The following MBD5 variants were observed in gnomAD, a reference collection of about 807,000 sequenced individuals.
MBD5 encodes the protein methyl-CpG-binding domain protein 5.
A neutral mutation model predicts 117.3 loss-of-function variants in MBD5; 13 were observed. The observed-to-expected ratio is 0.11, with a 90% confidence interval of 0.07 to 0.18. The LOEUF (loss-of-function observed/expected upper bound fraction) is 0.18, where lower values mean the gene tolerates loss of function less well. MBD5 is among the 10% of genes least tolerant of loss of function. The probability of loss-of-function intolerance (pLI) is 1.00; values close to 1 mark genes in which losing one functional copy is unlikely to be tolerated. For synonymous variants in MBD5, 727 were observed against 766.4 expected, an observed-to-expected ratio of 0.95 and a Z score of 0.85; for missense variants, 1,879 against 2,093.8, an observed-to-expected ratio of 0.90 and a Z score of 2.00.
chr2:148,343,305 G>C (rs929708226), intron 4 of MBD5, among the ~76,000 whole-genome samples: 1 of 152,056 alleles, frequency 6.6e-6, no homozygotes, highest in African/African-American at 2.4e-5. Flanking sequence ...TGTGATTACT[G>C]GGTTGAATGG....
At chr2:148,074,376 A>G (rs1177902617) in intron 1 of MBD5, among the ~76,000 whole-genome samples, 4 of 152,186 alleles carry the variant, frequency 2.6e-5, no homozygotes, top group African/African-American at 9.7e-5. Context: ...AGGTAAAAAC[A>G]AAGTCTAATG....
chr2:148,089,389 T>C (rs1364673086), intron 1 of MBD5, among the ~76,000 whole-genome samples: 6 of 152,062 alleles, frequency 3.9e-5, no homozygotes, highest in African/African-American at 1.2e-4. Context: ...AACTGCAAAA[T>C]AGACATTCTT....
At chr2:148,211,930 G>A (rs1428971068) in intron 2 of MBD5, among the ~76,000 whole-genome samples, 2 of 151,874 alleles carry the variant, frequency 1.3e-5, no homozygotes, top group Admixed American at 6.6e-5. Flanking sequence ...TGTATTTTTT[G>A]TAGAGACAGG....
chr2:148,095,723 GAGTT>G (rs1696052254), intron 1 of MBD5, among the ~76,000 whole-genome samples: 1 of 150,854 alleles, frequency 6.6e-6, no homozygotes, highest in African/African-American at 2.4e-5. Flanking sequence ...AAGTTATTCT[GAGTT>G]AGTTTTTTTT....
intron 2 of MBD5, among the ~76,000 whole-genome samples, chr2:148,229,752 A>T (rs145998206): frequency 1.2e-3 from 187 of 152,242 alleles, no homozygotes; most frequent in African/African-American, 4.2e-3. Flanking sequence ...GTTCTTACAG[A>T]CTCATAAAGG....
intron 3 of MBD5, among the ~76,000 whole-genome samples, chr2:148,259,325 A>G (rs1700676152): frequency 6.6e-6 from 1 of 152,096 alleles, no homozygotes; most frequent in Admixed American, 6.5e-5. Flanking sequence ...CTGCAAGCAA[A>G]GACTCGTTCA....
chr2:148,128,140 G>A (rs1696947159), intron 1 of MBD5, among the ~76,000 whole-genome samples: 1 of 152,090 alleles, frequency 6.6e-6, no homozygotes, highest in Non-Finnish European at 1.5e-5. Context: ...AACCTTGTCA[G>A]ATGGATAGAT....
At position 148,469,305 on chromosome 2, in the gene MBD5, G is replaced by A; in HGVS notation, c.1362G>A (p.Glu454=). The A allele has an allele frequency of 6.2e-7, 1 of 1,613,892 alleles. No homozygotes were observed. The highest frequency in any genetic ancestry group is 8.5e-7 in the Non-Finnish European group (1 of 1,179,968). ...HMMGTGIGRI[E]ASPQRSRSSS... is the part of the protein sequence containing the mutation. ...TGGGGACTGGAATTGGAAGGATTGA[G>A]GCATCGCCCCAAAGATCACGCTCAT... The change falls in exon 8 of 14, where the codon GAG becomes GAA. Residue 454 remains glutamate (E), a synonymous_variant. Transcript: ENST00000642680.
chr2:148,102,849 T>C (rs1349606689), intron 1 of MBD5, among the ~76,000 whole-genome samples: 1 of 151,740 alleles, frequency 6.6e-6, no homozygotes, highest in East Asian at 1.9e-4. Context: ...ACATTGGCAC[T>C]ACCAGGAGCT....
chr2:148,146,464 T>G (rs1449140524), intron 1 of MBD5, among the ~76,000 whole-genome samples: 1 of 152,114 alleles, frequency 6.6e-6, no homozygotes, highest in Non-Finnish European at 1.5e-5. Flanking sequence ...CTCTAACTCC[T>G]GGGCTCAAGT....
At chr2:148,052,309 C>T (rs1388601685) in intron 1 of MBD5, among the ~76,000 whole-genome samples, 2 of 146,084 alleles carry the variant, frequency 1.4e-5, no homozygotes, top group South Asian at 4.5e-4. Flanking sequence ...CTCCCAGGTT[C>T]AAGCAATTCC....
chr2:148,208,305 G>A (rs1699334581), intron 2 of MBD5, among the ~76,000 whole-genome samples: 1 of 152,094 alleles, frequency 6.6e-6, no homozygotes, highest in Non-Finnish European at 1.5e-5. Flanking sequence ...AGGCTGGAGT[G>A]CAGTGGCATG....
chr2:148,419,416 T>C (rs755636898), intron 4 of MBD5, among the ~76,000 whole-genome samples: 1 of 152,142 alleles, frequency 6.6e-6, no homozygotes, highest in Non-Finnish European at 1.5e-5. Context: ...TTTACTTTGG[T>C]TTAGTTTTTA....
intron 4 of MBD5, chr2:148,345,905 T>C (rs1438255846): frequency 6.6e-6 from 1 of 151,874 alleles, no homozygotes; most frequent in Non-Finnish European, 1.5e-5. Flanking sequence ...TCTCTCCTTT[T>C]CACATTTATC....
At chr2:148,061,634 G>GT (rs1558908838) in intron 1 of MBD5, among the ~76,000 whole-genome samples, 1 of 145,838 alleles carries the variant, frequency 6.9e-6, no homozygotes, top group Admixed American at 6.7e-5. Flanking sequence ...ACAGCAGTGA[G>GT]TGTGTGTGTG....
chr2:148,445,087 C>G (rs540885485), intron 4 of MBD5, among the ~76,000 whole-genome samples: 1 of 151,230 alleles, frequency 6.6e-6, no homozygotes, highest in East Asian at 1.9e-4. Context: ...CTACACATTC[C>G]CCTGTCCTGC....
intron 3 of MBD5, among the ~76,000 whole-genome samples, chr2:148,333,412 C>G (rs1485360668): frequency 6.6e-6 from 1 of 152,152 alleles, no homozygotes; most frequent in African/African-American, 2.4e-5. Context: ...GAATCTTCTT[C>G]CACTTTCCTA....
At chr2:148,151,374 G>A in intron 1 of MBD5, among the ~76,000 whole-genome samples, 1 of 151,978 alleles carries the variant, frequency 6.6e-6, no homozygotes. Flanking sequence ...TTGCATCAAT[G>A]TTCATCAAGG....
intron 1 of MBD5, among the ~76,000 whole-genome samples, chr2:148,076,526 C>G (rs946596442): frequency 6.6e-6 from 1 of 152,100 alleles, no homozygotes; most frequent in African/African-American, 2.4e-5. Flanking sequence ...AAAAAAGAGG[C>G]CTCAGAGGTC....
Sources: allele counts gnomAD v4.1 joint callset (sites outside exome capture counted in the v4.1 genomes callset), GRCh38; gene constraint gnomAD v4.1.1; transcripts MANE v1.5; gene names NCBI Gene and HGNC (gene_info 2026-07-23, HGNC 2026-07-21).